CRYBB2: variants seen among roughly 807,000 people sequenced by gnomAD.
CRYBB2 encodes the protein beta-crystallin B2.
In CRYBB2, 12 loss-of-function variants were observed where a neutral mutation model predicts 24.3. That is an observed-to-expected ratio of 0.49 (90% CI 0.32 to 0.80). The LOEUF is 0.80. Ranked by LOEUF, CRYBB2 falls within the 30% of genes least tolerant of loss-of-function variation. The probability of loss-of-function intolerance (pLI) is 0.04; values close to 1 mark genes in which losing one functional copy is unlikely to be tolerated. For missense variants in CRYBB2, 198 were observed against 268.5 expected (o/e 0.74, Z 1.83); for synonymous variants, 98 against 101.6 (o/e 0.96, Z 0.21).
intron 1 of CRYBB2, 122 bp from the exon 2 acceptor site, chr22:25,221,282 C>T: frequency 1.4e-6 from 1 of 710,746 alleles, no homozygotes; most frequent in Non-Finnish European, 2.6e-6. Flanking sequence ...AGCTCTGGGA[C>T]AGTCTGAAAC....
intron 2 of CRYBB2, among the ~76,000 whole-genome samples, chr22:25,223,705 A>T (rs1470707899): frequency 6.6e-6 from 1 of 152,116 alleles, no homozygotes; most frequent in Non-Finnish European, 1.5e-5. Flanking sequence ...ATGTTTACCC[A>T]GCCTGTGCTG....
upstream of CRYBB2, among the ~76,000 whole-genome samples, chr22:25,218,806 G>GA (rs1261661171): frequency 3.7e-4 from 43 of 116,868 alleles, 3 homozygotes; most frequent in African/African-American, 1.2e-3. Context: ...AAGAAAGAAA[G>GA]AAAGAAAGAA....
At chr22:25,229,005 T>C (rs115246694) in intron 4 of CRYBB2, among the ~76,000 whole-genome samples, 5,761 of 150,418 alleles carry the variant, frequency 0.038, 349 homozygotes, top group African/African-American at 0.13. Context: ...TGCGTGTGTG[T>C]GCAAGTGTGG....
chr22:25,218,813 A>AGAAAGAAAGAAAGAAAGAAT (rs1935263115), upstream of CRYBB2, among the ~76,000 whole-genome samples: 1 of 132,778 alleles, frequency 7.5e-6, no homozygotes, highest in African/African-American at 3.0e-5. Context: ...AAAGAAAGAA[A>AGAAAGAAAGAAAGAAAGAAT]GAAAGAAAGA....
chr22:25,224,941 C>T lies in CRYBB2; in HGVS notation c.78C>T (p.Asn26=). 2.5e-6 allele frequency: 4 copies of T among 1,607,596 alleles called. No homozygotes were observed. The highest frequency in any genetic ancestry group is 2.2e-5 in the East Asian group (1 of 44,842). ...AGATCATCATCTTTGAGCAGGAAAA[C>T]TTTCAAGGCCACTCGCATGAGCTCA... ...NPKIIIFEQE[N]FQGHSHELNG... is the part of the protein sequence containing the mutation. The change falls in exon 3 of 6, where the codon AAC becomes AAT. Residue 26 remains asparagine (N), a synonymous_variant. Coordinates refer to ENST00000398215, the MANE Select transcript of CRYBB2 (RefSeq NM_000496.3).
At chr22:25,218,621 A>C (rs769465443), upstream of CRYBB2, among the ~76,000 whole-genome samples, 2 of 146,246 alleles carry the variant, frequency 1.4e-5, no homozygotes, top group African/African-American at 5.0e-5. Context: ...AGCCGAGATC[A>C]CACCACTGCA....
At chr22:25,212,391 G>A (rs1935117009), upstream of CRYBB2, among the ~76,000 whole-genome samples, 1 of 152,240 alleles carries the variant, frequency 6.6e-6, no homozygotes, top group Non-Finnish European at 1.5e-5. Context: ...CCCAGACAGT[G>A]AACAGGCATC....
rs545086308 is a variant in CRYBB2, at chr22:25,224,211, G to T, written c.55-707G>T. Among the ~76,000 whole-genome samples the T allele has an allele frequency of 2.0e-5, 3 of 152,036 alleles. No individual in the cohort carries two copies. In the East Asian group the frequency reaches 5.8e-4, roughly 30 times the overall value. On this transcript the variant is annotated intron_variant, in intron 2 of 5. Coordinates refer to ENST00000398215, the MANE Select transcript of CRYBB2 (RefSeq NM_000496.3). ...TGCTTGGATGTGGGATGTTGGGTGG[G>T]TCCCTTCACTTTGCAGAGCTTCAGT...
At chr22:25,212,580 G>A (rs576946309) in exon 1 of CRYBB2, among the ~76,000 whole-genome samples, 78 of 152,264 alleles carry the variant, frequency 5.1e-4, no homozygotes, top group Admixed American at 2.3e-3. Context: ...TTGCCTTTCC[G>A]TCGGACATCT....
intron 1 of CRYBB2, among the ~76,000 whole-genome samples, chr22:25,220,101 G>A (rs950486815): frequency 4.6e-5 from 7 of 152,126 alleles, no homozygotes; most frequent in African/African-American, 1.7e-4. Flanking sequence ...GGGAGTGCTA[G>A]GGGATAGGAT....
intron 3 of CRYBB2, among the ~76,000 whole-genome samples, chr22:25,225,762 A>G (rs552472505): frequency 6.6e-6 from 1 of 152,310 alleles, no homozygotes; most frequent in Non-Finnish European, 1.5e-5. Flanking sequence ...CCACACCTCA[A>G]GGTTCTCAGG....
At chr22:25,225,531 A>T (rs1329361931) in intron 3 of CRYBB2, among the ~76,000 whole-genome samples, 2 of 151,946 alleles carry the variant, frequency 1.3e-5, no homozygotes, top group Non-Finnish European at 2.9e-5. Context: ...ATTTTTTGGC[A>T]CACTTGGGGG....
intron 4 of CRYBB2, among the ~76,000 whole-genome samples, chr22:25,229,178 G>A (rs1024403199): frequency 1.3e-5 from 2 of 152,114 alleles, no homozygotes; most frequent in African/African-American, 4.8e-5. Flanking sequence ...AGAGAAACTT[G>A]AGGAGGAAAA....
chr22:25,218,736 GGAGA>G (rs71191034), upstream of CRYBB2, among the ~76,000 whole-genome samples: 26 of 35,316 alleles, frequency 7.4e-4, no homozygotes, highest in Non-Finnish European at 8.2e-4. Flanking sequence ...GAGAGAGAGG[GGAGA>G]GAGAGAGAGA....
Position 25,213,843 on chromosome 22 carries a change from T to A in CRYBB2, c.-27+1003T>A, listed in dbSNP as rs185932689. 3.3e-5 allele frequency among the ~76,000 whole-genome samples: 5 copies of A among 152,366 alleles called. No individual in the cohort carries two copies. In the East Asian group the frequency reaches 9.6e-4, roughly 29 times the overall value. Reference sequence around the variant, plus strand: ...CACCTGAACTTGTTGTCTTAGCGTCTGCTTCTGGTAGAGCCCAAATGAAGA... The same window carrying A: ...CACCTGAACTTGTTGTCTTAGCGTCAGCTTCTGGTAGAGCCCAAATGAAGA... On this transcript the variant is annotated intron_variant, in intron 1 of 5. Coordinates refer to the CRYBB2 transcript ENST00000651629.
upstream of CRYBB2, among the ~76,000 whole-genome samples, chr22:25,216,132 C>T (rs113165258): frequency 5.7e-3 from 840 of 147,708 alleles, 7 homozygotes; most frequent in Non-Finnish European, 8.4e-3. Context: ...AGGACACAGC[C>T]AGGTCTTGAA....
upstream of CRYBB2, among the ~76,000 whole-genome samples, chr22:25,218,811 AAAG>A (rs1935262306): frequency 7.4e-6 from 1 of 135,836 alleles, no homozygotes; most frequent in Non-Finnish European, 1.6e-5. Context: ...AGAAAGAAAG[AAAG>A]AAAGAAAGAA....
chr22:25,216,872 A>G (rs1161209362), upstream of CRYBB2, among the ~76,000 whole-genome samples: 5 of 152,208 alleles, frequency 3.3e-5, no homozygotes, highest in Non-Finnish European at 7.3e-5. Context: ...AAGTGGAATC[A>G]TACAATATTT....
upstream of CRYBB2, among the ~76,000 whole-genome samples, chr22:25,216,252 A>G (rs564204309): frequency 6.6e-6 from 1 of 152,330 alleles, no homozygotes; most frequent in Admixed American, 6.5e-5. Flanking sequence ...GTGACCTTCT[A>G]TTTGGAAATA....
Sources: gnomAD v4.1 joint callset for allele counts (sites outside exome capture counted in the v4.1 genomes callset) on GRCh38, gnomAD v4.1.1 for gene constraint, MANE v1.5 for transcripts, NCBI Gene and HGNC (gene_info 2026-07-23, HGNC 2026-07-21) for gene names.